The following PPP6R2 variants were observed in gnomAD, a reference collection of about 807,000 sequenced individuals.
The protein encoded by PPP6R2 is serine/threonine-protein phosphatase 6 regulatory subunit 2.
In PPP6R2, 62 loss-of-function variants were observed where a neutral mutation model predicts 100.2. The observed-to-expected ratio is 0.62, with a 90% CI of 0.50 to 0.76. PPP6R2 has a LOEUF of 0.76. PPP6R2 is among the 30% of genes least tolerant of loss of function. The pLI is 0.00. For missense variants in PPP6R2, 1,142 were observed against 1,276.3 expected, an observed-to-expected ratio of 0.89 and a Z score of 1.60; for synonymous variants, 525 against 514.7, an observed-to-expected ratio of 1.02 and a Z score of -0.27.
In PPP6R2 at chr22:50,436,978, T is replaced by C; in HGVS notation, c.1603-10T>C. Reference sequence around the variant, plus strand: ...GCTCACACGCCCACCCCATCTGGCCTGTGTTTTAGGTGAGCACTCACCACC... The same window carrying C: ...GCTCACACGCCCACCCCATCTGGCCCGTGTTTTAGGTGAGCACTCACCACC... On this transcript the variant is annotated splice_polypyrimidine_tract_variant and intron_variant, in intron 14 of 23. Coordinates refer to ENST00000612753, the MANE Select transcript of PPP6R2 (RefSeq NM_001242898.2). The C allele has an allele frequency of 6.4e-7, 1 of 1,553,534 alleles. No homozygotes were observed. The highest frequency in any genetic ancestry group is 8.7e-7 in the Non-Finnish European group (1 of 1,148,470).
At chr22:50,419,032 G>T (rs1029979451) in intron 7 of PPP6R2, 53 bp downstream of exon 7, 1 of 1,396,724 alleles carries the variant, frequency 7.2e-7, no homozygotes, top group Non-Finnish European at 1.0e-6. Flanking sequence ...GGGTCATGGG[G>T]ACGTCTGTGA....
At chr22:50,378,883 TAAAAA>T (rs112688457) in intron 2 of PPP6R2, among the ~76,000 whole-genome samples, 1 of 128,418 alleles carries the variant, frequency 7.8e-6, no homozygotes. Context: ...CTGTCCCAAT[TAAAAA>T]AAAAAAAAAA....
At chr22:50,426,789 A>T (rs1204723099) in intron 10 of PPP6R2, among the ~76,000 whole-genome samples, 1 of 145,722 alleles carries the variant, frequency 6.9e-6, no homozygotes, top group African/African-American at 2.5e-5. Context: ...AGCCAAGATC[A>T]CACCACTGCA....
At chr22:50,420,035 CA>C (rs1652210603) in intron 8 of PPP6R2, among the ~76,000 whole-genome samples, 1 of 152,252 alleles carries the variant, frequency 6.6e-6, no homozygotes. Flanking sequence ...TGTGCACTAA[CA>C]CGGGCCCGAG....
intron 15 of PPP6R2, 96 bp downstream of exon 15, chr22:50,437,164 T>C: frequency 1.6e-6 from 2 of 1,223,544 alleles, no homozygotes; most frequent in Non-Finnish European, 2.3e-6. Flanking sequence ...GGCATCTCAC[T>C]AGCAAAGGGG....
intron 18 of PPP6R2, 88 bp downstream of exon 18, chr22:50,438,386 G>A: frequency 5.8e-6 from 9 of 1,544,914 alleles, no homozygotes; most frequent in Non-Finnish European, 7.8e-6. Flanking sequence ...TTCGTTAGCT[G>A]GCTTGCAGAG....
At chr22:50,343,837 GT>G (rs1303335432) in intron 1 of PPP6R2, among the ~76,000 whole-genome samples, 2 of 17,480 alleles carry the variant, frequency 1.1e-4, no homozygotes, top group Non-Finnish European at 9.5e-5. Context: ...CCCCCAGTCA[GT>G]TTCCCCCCAG....
Position 50,443,992 on chromosome 22 carries a change from T to G in PPP6R2, c.2706T>G (p.Ala902=). The change falls in exon 23 of 24, where the codon GCT becomes GCG. Residue 902 remains alanine, a synonymous_variant. Coordinates refer to ENST00000612753, the MANE Select transcript of PPP6R2 (RefSeq NM_001242898.2). ...CCATCACCACAGCACTGAGCAAGGCTGGCCCCGCCATACCCACCCCAGCAG... is the reference window on the plus strand; with the variant it reads ...CCATCACCACAGCACTGAGCAAGGCGGGCCCCGCCATACCCACCCCAGCAG... ...TVAITTALSK[A]GPAIPTPAVS... is the part of the protein sequence containing the mutation. 1.9e-6 allele frequency: 3 copies of G among 1,612,710 alleles called. No homozygotes were observed. Among genetic ancestry groups the G allele is most frequent in the Non-Finnish European group, 2.5e-6 (3 of 1,179,768 alleles).
At chr22:50,402,561 T>C (rs1027684789) in intron 3 of PPP6R2, among the ~76,000 whole-genome samples, 1 of 152,170 alleles carries the variant, frequency 6.6e-6, no homozygotes, top group East Asian at 1.9e-4. Context: ...TTCTGTGGGC[T>C]CCTGAAACTC....
At position 50,370,348 on chromosome 22, in the gene PPP6R2, C is replaced by T. The variant is rs563439553; in HGVS notation, c.-147-1672C>T. The stretch of plus-strand genomic sequence containing the variant: ...TGTCACCAGGGCTGGAGTGCAATGG[C>T]GCGATCTCGGCTCACTGCAACCTCT... On this transcript the variant is annotated intron_variant, in intron 1 of 23. Transcript: ENST00000612753. 7.2e-5 allele frequency among the ~76,000 whole-genome samples: 11 copies of T among 152,234 alleles called. No individual in the cohort carries two copies. The South Asian group carries it at 2.1e-3, about 29-fold the overall frequency.
intron 12 of PPP6R2, among the ~76,000 whole-genome samples, chr22:50,434,535 G>A (rs1401097229): frequency 1.5e-5 from 1 of 68,248 alleles, no homozygotes; most frequent in Non-Finnish European, 2.6e-5. Flanking sequence ...GGCCGGGGGC[G>A]CGGACGCTGG....
At chr22:50,358,723 T>C (rs2047121218) in intron 1 of PPP6R2, among the ~76,000 whole-genome samples, 1 of 152,174 alleles carries the variant, frequency 6.6e-6, no homozygotes. Flanking sequence ...TCCATCTTGC[T>C]TTAATTTTTG....
At chr22:50,360,228 T>C (rs184899313) in intron 1 of PPP6R2, among the ~76,000 whole-genome samples, 1 of 152,022 alleles carries the variant, frequency 6.6e-6, no homozygotes, top group East Asian at 1.9e-4. Context: ...GATTTTTGTA[T>C]TTTTAGTAGA....
chr22:50,379,962 CAAAT>C (rs1254103609), intron 2 of PPP6R2, among the ~76,000 whole-genome samples: 5 of 152,212 alleles, frequency 3.3e-5, no homozygotes, highest in East Asian at 1.9e-4. Context: ...AAAATAGTAA[CAAAT>C]AAGTCATGAA....
chr22:50,355,399 C>T (rs908921416), intron 1 of PPP6R2, among the ~76,000 whole-genome samples: 6 of 151,222 alleles, frequency 4.0e-5, no homozygotes, highest in South Asian at 2.1e-4. Context: ...CCACCACGCC[C>T]GGCTAATTTT....
chr22:50,376,614 G>C (rs1242080787), intron 2 of PPP6R2, among the ~76,000 whole-genome samples: 1 of 151,926 alleles, frequency 6.6e-6, no homozygotes, highest in African/African-American at 2.4e-5. Context: ...TGTAAAAACA[G>C]GTTTTTGCCG....
At chr22:50,380,155 C>T (rs2052539652) in intron 2 of PPP6R2, among the ~76,000 whole-genome samples, 1 of 151,688 alleles carries the variant, frequency 6.6e-6, no homozygotes, top group African/African-American at 2.4e-5. Flanking sequence ...TCAAGGGGAG[C>T]CAAAGGGAAG....
intron 12 of PPP6R2, among the ~76,000 whole-genome samples, chr22:50,432,752 A>C (rs1280788870): frequency 6.6e-6 from 1 of 152,050 alleles, no homozygotes; most frequent in African/African-American, 2.4e-5. Flanking sequence ...TGTCCCGCTT[A>C]TTGTCGTGGG....
At chr22:50,341,862 G>T (rs547903428), upstream of PPP6R2, among the ~76,000 whole-genome samples, 1 of 152,150 alleles carries the variant, frequency 6.6e-6, no homozygotes, top group Non-Finnish European at 1.5e-5. Flanking sequence ...GCGCGGTGGC[G>T]GGCGCCTGTA....
Sources: allele counts gnomAD v4.1 joint callset (sites outside exome capture counted in the v4.1 genomes callset), GRCh38; gene constraint gnomAD v4.1.1; transcripts MANE v1.5; gene names NCBI Gene and HGNC (gene_info 2026-07-23, HGNC 2026-07-21).